The following HDAC9 variants were observed in gnomAD, a reference collection of about 807,000 sequenced individuals.
HDAC9 encodes the protein MEF-2 interacting transcription repressor (MITR) protein.
A neutral mutation model predicts 139.4 loss-of-function variants in HDAC9; 41 were observed. The ratio of observed to expected loss-of-function variants is 0.29; its 90% CI spans 0.23 to 0.38. HDAC9 has a LOEUF of 0.38. Ranked by LOEUF, HDAC9 falls within the 10% of genes least tolerant of loss-of-function variation. The pLI is 1.00. For missense variants in HDAC9, 1,147 were observed against 1,297.0 expected, an observed-to-expected ratio of 0.88 and a Z score of 1.78; for synonymous variants, 517 against 476.2, an observed-to-expected ratio of 1.09 and a Z score of -1.12.
upstream of HDAC9, among the ~76,000 whole-genome samples, chr7:18,494,329 C>G (rs1471770302): frequency 6.6e-6 from 1 of 152,042 alleles, no homozygotes; most frequent in Non-Finnish European, 1.5e-5. Flanking sequence ...CATCAAAACT[C>G]TGTGTCCCCT....
At chr7:18,161,470 T>C (rs576861898) in intron 1 of HDAC9, among the ~76,000 whole-genome samples, 1 of 152,320 alleles carries the variant, frequency 6.6e-6, no homozygotes, top group Non-Finnish European at 1.5e-5. Flanking sequence ...AAGAAACTCA[T>C]TAAGTGTAAT....
intron 2 of HDAC9, among the ~76,000 whole-genome samples, chr7:18,537,906 A>G (rs1811422417): frequency 6.6e-6 from 1 of 152,218 alleles, no homozygotes; most frequent in Admixed American, 6.5e-5. Flanking sequence ...CAGCTTTCCT[A>G]AGGCCTCAGT....
intron 2 of HDAC9, among the ~76,000 whole-genome samples, chr7:18,499,669 G>A (rs903774162): frequency 6.6e-6 from 1 of 152,098 alleles, no homozygotes; most frequent in Non-Finnish European, 1.5e-5. Flanking sequence ...AGACAATATT[G>A]GAACAATTAT....
intron 2 of HDAC9, among the ~76,000 whole-genome samples, chr7:18,255,998 C>T (rs955630159): frequency 6.6e-6 from 1 of 152,120 alleles, no homozygotes; most frequent in Admixed American, 6.5e-5. Flanking sequence ...GTTTAAAAAG[C>T]CTTAATTGCT....
intron 1 of HDAC9, among the ~76,000 whole-genome samples, chr7:18,323,938 T>G (rs528802752): frequency 2.0e-5 from 3 of 151,348 alleles, no homozygotes; most frequent in South Asian, 2.1e-4. Flanking sequence ...TTGTTTTGTT[T>G]TTTTTTTTTT....
intron 23 of HDAC9, among the ~76,000 whole-genome samples, chr7:18,946,537 T>G (rs1337098627): frequency 6.6e-6 from 1 of 152,040 alleles, no homozygotes; most frequent in Non-Finnish European, 1.5e-5. Context: ...AAAATGGACT[T>G]TAAGGCAAGA....
intron 1 of HDAC9, among the ~76,000 whole-genome samples, chr7:18,121,343 A>G (rs1323571667): frequency 1.3e-5 from 2 of 152,044 alleles, no homozygotes; most frequent in Non-Finnish European, 2.9e-5. Context: ...AGAGTTTTAC[A>G]CTTCCACAGG....
chr7:18,302,319 T>C (rs1798592309), intron 1 of HDAC9, among the ~76,000 whole-genome samples: 1 of 152,198 alleles, frequency 6.6e-6, no homozygotes, highest in Non-Finnish European at 1.5e-5. Context: ...ATGCATCATC[T>C]CAGTCAGAAA....
intron 21 of HDAC9, among the ~76,000 whole-genome samples, chr7:18,858,329 C>T (rs1451173979): frequency 1.3e-5 from 2 of 152,122 alleles, no homozygotes; most frequent in Non-Finnish European, 2.9e-5. Context: ...CATGGCTAGG[C>T]AAGCCTCAGG....
chr7:18,789,286 G>GCGCACACACACGCACACACA (rs146066951), intron 16 of HDAC9, among the ~76,000 whole-genome samples: 4 of 148,506 alleles, frequency 2.7e-5, no homozygotes, highest in South Asian at 2.2e-4. Context: ...ACACATACAC[G>GCGCACACACACGCACACACA]CACACACACA....
intron 25 of HDAC9, among the ~76,000 whole-genome samples, chr7:18,983,150 G>T (rs763501889): frequency 1.3e-5 from 2 of 152,102 alleles, no homozygotes; most frequent in Non-Finnish European, 2.9e-5. Context: ...TCTGCTTTCT[G>T]TTTCAGAGTT....
intron 25 of HDAC9, among the ~76,000 whole-genome samples, chr7:18,991,110 A>T (rs1056470437): frequency 6.6e-6 from 1 of 152,168 alleles, no homozygotes; most frequent in Non-Finnish European, 1.5e-5. Flanking sequence ...TTTGTTCTTG[A>T]TTTAAATTAT....
At chr7:18,886,575 AT>A (rs1800173357) in intron 22 of HDAC9, among the ~76,000 whole-genome samples, 1 of 152,146 alleles carries the variant, frequency 6.6e-6, no homozygotes, top group African/African-American at 2.4e-5. Flanking sequence ...TAATGGTTAC[AT>A]TTATTTTGTG....
At chr7:18,975,677 C>A in intron 24 of HDAC9, 129 bp from the exon 25 acceptor site, 1 of 865,608 alleles carries the variant, frequency 1.2e-6, no homozygotes, top group Non-Finnish European at 1.8e-6. Flanking sequence ...GTTAAGAAAC[C>A]AAATTACAAC....
intron 6 of HDAC9, among the ~76,000 whole-genome samples, chr7:18,620,760 G>A (rs1840000285): frequency 1.3e-5 from 2 of 151,940 alleles, no homozygotes; most frequent in Non-Finnish European, 2.9e-5. Flanking sequence ...TGTTACTTAC[G>A]GCCCCGATAT....
intron 13 of HDAC9, among the ~76,000 whole-genome samples, chr7:18,737,087 T>A (rs1584945936): frequency 6.6e-6 from 1 of 152,324 alleles, no homozygotes; most frequent in East Asian, 1.9e-4. Flanking sequence ...GATATCCCCT[T>A]TTTCATTTTT....
intron 1 of HDAC9, among the ~76,000 whole-genome samples, chr7:18,440,357 G>A (rs1791642277): frequency 6.6e-6 from 1 of 151,648 alleles, no homozygotes; most frequent in South Asian, 2.1e-4. Context: ...GCTAATTTTT[G>A]TATTTTTAGT....
intron 12 of HDAC9, among the ~76,000 whole-genome samples, chr7:18,680,063 T>C (rs1781790071): frequency 6.6e-6 from 1 of 152,094 alleles, no homozygotes; most frequent in Non-Finnish European, 1.5e-5. Context: ...TCAGTGCCAA[T>C]ATAAACCATG....
At chr7:18,391,646 T>TGAG (rs779566640) in intron 1 of HDAC9, among the ~76,000 whole-genome samples, 3 of 152,228 alleles carry the variant, frequency 2.0e-5, no homozygotes, top group Non-Finnish European at 4.4e-5. Context: ...TGAACTATGT[T>TGAG]GAGGATACTA....
Sources: allele counts gnomAD v4.1 joint callset (sites outside exome capture counted in the v4.1 genomes callset), GRCh38; gene constraint gnomAD v4.1.1; transcripts MANE v1.5; gene names NCBI Gene and HGNC (gene_info 2026-07-23, HGNC 2026-07-21).